MYO6: variants seen among roughly 807,000 people sequenced by gnomAD.
The protein encoded by MYO6 is unconventional myosin-VI.
Under a neutral mutation model 178.7 loss-of-function variants are expected in MYO6, and 74 were observed. The ratio of observed to expected loss-of-function variants is 0.41; its 90% CI spans 0.34 to 0.50. MYO6 has a LOEUF of 0.50. Ranked by LOEUF, MYO6 falls within the 20% of genes least tolerant of loss-of-function variation. The pLI, the probability that MYO6 is intolerant of heterozygous loss-of-function variation, is 0.09. For missense variants in MYO6, 1,330 were observed against 1,547.4 expected, an observed-to-expected ratio of 0.86 and a Z score of 2.36; for synonymous variants, 477 against 504.6, an observed-to-expected ratio of 0.95 and a Z score of 0.73.
chr6:75,819,942 C>T (rs970140239), intron 2 of MYO6, among the ~76,000 whole-genome samples: 1 of 152,120 alleles, frequency 6.6e-6, no homozygotes, highest in African/African-American at 2.4e-5. Context: ...GTTTTAGCTA[C>T]TCTGGTGGCT....
At chr6:75,850,824 C>T (rs1387508431) in intron 11 of MYO6, among the ~76,000 whole-genome samples, 2 of 151,574 alleles carry the variant, frequency 1.3e-5, no homozygotes, top group Non-Finnish European at 2.9e-5. Flanking sequence ...TTGTGTCTGG[C>T]ACATAGTAAT....
At chr6:75,832,805 T>C (rs933144845) in intron 5 of MYO6, 37 bp from the exon 6 acceptor site, 1 of 1,227,122 alleles carries the variant, frequency 8.1e-7, no homozygotes, top group African/African-American at 1.5e-5. Flanking sequence ...TTATATTTAA[T>C]ATATTGCTCA....
intron 6 of MYO6, among the ~76,000 whole-genome samples, chr6:75,834,782 C>T (rs1030348644): frequency 1.8e-4 from 28 of 152,048 alleles, no homozygotes; most frequent in African/African-American, 6.5e-4. Context: ...TATGTAAAAT[C>T]AATTGAAGAG....
intron 1 of MYO6, among the ~76,000 whole-genome samples, chr6:75,787,712 CTCTCTCTCTCTCTCTCTCTATATA>C (rs1458752416): frequency 1.8e-3 from 122 of 66,980 alleles, no homozygotes; most frequent in Middle Eastern, 5.4e-3. Flanking sequence ...CTCTCTCTCT[CTCTCTCTCTCTCTCTCTCTATATA>C]TATATATATA....
chr6:75,914,189 A>T lies in MYO6; in HGVS notation c.3566A>T (p.Lys1189Ile). 6.2e-7 allele frequency: 1 copy of T among 1,614,166 alleles called. No individual in the cohort carries two copies. Among genetic ancestry groups the T allele is most frequent in the Non-Finnish European group, 8.5e-7 (1 of 1,180,014 alleles). Residue 1189 changes from lysine to isoleucine, a missense_variant, in exon 34 of 35, where the codon AAA becomes ATA. Physicochemically the swap from Lys to Ile is moderately radical, Grantham distance 102. Coordinates refer to ENST00000369977, the MANE Select transcript of MYO6 (RefSeq NM_004999.4). ...CAGTACAAAGACCCTCAGAGTAAGA[A>T]AAAAGGCTGGTGGTATGCCCATTTT... ...ADQYKDPQSK[K>I]KGWWYAHFDG...
chr6:75,833,989 G>A (rs1773387954), intron 6 of MYO6, among the ~76,000 whole-genome samples: 2 of 152,136 alleles, frequency 1.3e-5, no homozygotes, highest in Admixed American at 1.3e-4. Context: ...GGATCTTGGA[G>A]GATACTGGTA....
At chr6:75,895,780 TG>T (rs1340163607) in intron 29 of MYO6, among the ~76,000 whole-genome samples, 6 of 152,292 alleles carry the variant, frequency 3.9e-5, no homozygotes, top group African/African-American at 1.2e-4. Flanking sequence ...CCTCCCAAAG[TG>T]CTGGGATTAC....
intron 1 of MYO6, among the ~76,000 whole-genome samples, chr6:75,764,802 C>T (rs866558952): frequency 9.9e-5 from 15 of 151,852 alleles, no homozygotes; most frequent in Admixed American, 2.0e-4. Flanking sequence ...GTTCAAGACC[C>T]GCCTAGCCAA....
intron 1 of MYO6, among the ~76,000 whole-genome samples, chr6:75,798,430 T>C (rs1242714874): frequency 2.6e-5 from 4 of 152,168 alleles, no homozygotes; most frequent in East Asian, 1.9e-4. Flanking sequence ...TGTGATCTAA[T>C]AGGCTTTTAT....
chr6:75,821,899 A>G (rs1054107091), intron 2 of MYO6, among the ~76,000 whole-genome samples: 21 of 151,424 alleles, frequency 1.4e-4, no homozygotes, highest in African/African-American at 4.9e-4. Context: ...TTTAAGTGAT[A>G]AAATAAATAT....
At chr6:75,795,328 C>T (rs554663512) in intron 1 of MYO6, among the ~76,000 whole-genome samples, 18 of 152,126 alleles carry the variant, frequency 1.2e-4, no homozygotes, top group African/African-American at 3.1e-4. Context: ...CTTTTAACTC[C>T]GGGGAAACTG....
intron 1 of MYO6, among the ~76,000 whole-genome samples, chr6:75,754,518 T>TTAAAA (rs1349129095): frequency 1.6e-4 from 1 of 6,180 alleles, no homozygotes; most frequent in Non-Finnish European, 2.6e-3. Context: ...AGACTCCGTC[T>TTAAAA]CAAAAAAAAA....
At chr6:75,796,936 C>A (rs1030172365) in intron 1 of MYO6, among the ~76,000 whole-genome samples, 1 of 152,122 alleles carries the variant, frequency 6.6e-6, no homozygotes, top group East Asian at 1.9e-4. Context: ...TTAATGGCTG[C>A]ATAGTATTCC....
At chr6:75,887,030 A>G (rs971866938) in intron 25 of MYO6, 36 bp downstream of exon 25, 2 of 1,576,120 alleles carry the variant, frequency 1.3e-6, no homozygotes, top group Non-Finnish European at 1.7e-6. Flanking sequence ...TTGACTTTTT[A>G]TGTAATTTAA....
chr6:75,882,824 G>T (rs1778151093), intron 23 of MYO6, among the ~76,000 whole-genome samples: 1 of 152,106 alleles, frequency 6.6e-6, no homozygotes, highest in South Asian at 2.1e-4. Context: ...TATTCATAAA[G>T]AATAGGGCGA....
intron 11 of MYO6, among the ~76,000 whole-genome samples, chr6:75,853,473 A>C (rs1026959095): frequency 6.6e-6 from 1 of 152,110 alleles, no homozygotes; most frequent in African/African-American, 2.4e-5. Flanking sequence ...TAGCTCTTAC[A>C]TTTAAGTCTT....
chr6:75,833,697 A>G (rs535670930), intron 6 of MYO6, among the ~76,000 whole-genome samples: 4 of 152,150 alleles, frequency 2.6e-5, no homozygotes, highest in African/African-American at 7.2e-5. Context: ...TTAAGGCTGA[A>G]TACTATTTTA....
chr6:75,820,043 CAA>C (rs1171133560), intron 2 of MYO6, among the ~76,000 whole-genome samples: 1 of 149,886 alleles, frequency 6.7e-6, no homozygotes, highest in Non-Finnish European at 1.5e-5. Context: ...GATCCTGTCT[CAA>C]AAAAAAAGAA....
intron 1 of MYO6, among the ~76,000 whole-genome samples, chr6:75,769,744 C>T (rs949435108): frequency 9.9e-5 from 15 of 151,876 alleles, no homozygotes; most frequent in African/African-American, 3.4e-4. Flanking sequence ...ACTAAAAATA[C>T]GAAAAATTAG....
Sources: gnomAD v4.1 joint callset for allele counts (sites outside exome capture counted in the v4.1 genomes callset) on GRCh38, gnomAD v4.1.1 for gene constraint, MANE v1.5 for transcripts, NCBI Gene and HGNC (gene_info 2026-07-23, HGNC 2026-07-21) for gene names.